FAM171A1: variants seen among roughly 807,000 people sequenced by gnomAD.
FAM171A1 encodes the protein protein FAM171A1.
FAM171A1 carries 23 observed loss-of-function variants against 74.9 expected under a neutral mutation model. The observed-to-expected ratio is 0.31, with a 90% CI of 0.22 to 0.44. FAM171A1 has a LOEUF of 0.44. Ranked by LOEUF, FAM171A1 falls within the 20% of genes least tolerant of loss-of-function variation. The probability of loss-of-function intolerance (pLI) is 1.00; values close to 1 mark genes in which losing one functional copy is unlikely to be tolerated. For missense variants in FAM171A1, 1,162 were observed against 1,159.2 expected (o/e 1.00, Z -0.03); for synonymous variants, 527 against 505.7 (o/e 1.04, Z -0.57).
intron 3 of FAM171A1, among the ~76,000 whole-genome samples, chr10:15,268,826 G>T (rs928186394): frequency 6.6e-6 from 1 of 152,202 alleles, no homozygotes; most frequent in Admixed American, 6.5e-5. Context: ...TGCATCACCT[G>T]AGGTCAGGAG....
At chr10:15,321,735 G>A (rs962028862) in intron 1 of FAM171A1, among the ~76,000 whole-genome samples, 2 of 152,176 alleles carry the variant, frequency 1.3e-5, no homozygotes, top group Admixed American at 1.3e-4. Context: ...AATGGTTTGA[G>A]CATTAAGTCA....
At chr10:15,241,657 A>T (rs992466659) in intron 5 of FAM171A1, 2 of 152,128 alleles carry the variant, frequency 1.3e-5, no homozygotes, top group Non-Finnish European at 2.9e-5. Context: ...AAGATGTCTG[A>T]CCTGATGTTT....
At chr10:15,244,221 G>T (rs1437463289) in intron 5 of FAM171A1, among the ~76,000 whole-genome samples, 2 of 152,136 alleles carry the variant, frequency 1.3e-5, no homozygotes, top group Admixed American at 1.3e-4. Flanking sequence ...CTGGGGTGGT[G>T]GTGGGCACCT....
intron 1 of FAM171A1, among the ~76,000 whole-genome samples, chr10:15,334,046 C>T (rs61842700): frequency 6.6e-6 from 1 of 152,114 alleles, no homozygotes; most frequent in African/African-American, 2.4e-5. Flanking sequence ...CCTCCCAGAT[C>T]CACAGCGCCT....
chr10:15,270,631 G>A (rs992971565), intron 3 of FAM171A1, among the ~76,000 whole-genome samples: 1 of 152,164 alleles, frequency 6.6e-6, no homozygotes, highest in African/African-American at 2.4e-5. Flanking sequence ...CCTCCCAGTA[G>A]GGGCCGACTG....
chr10:15,269,913 A>ATTCCAGATCAGG (rs1371225460), intron 3 of FAM171A1, among the ~76,000 whole-genome samples: 2 of 152,222 alleles, frequency 1.3e-5, no homozygotes. Flanking sequence ...CAATAAGTGG[A>ATTCCAGATCAGG]TTCCAGATCA....
At chr10:15,293,489 G>A (rs1835125417) in intron 1 of FAM171A1, among the ~76,000 whole-genome samples, 1 of 151,964 alleles carries the variant, frequency 6.6e-6, no homozygotes, top group South Asian at 2.1e-4. Context: ...GTTTTGCGGG[G>A]AGGAAAGACC....
chr10:15,265,253 G>A (rs1041310714), intron 3 of FAM171A1, among the ~76,000 whole-genome samples: 5 of 150,194 alleles, frequency 3.3e-5, no homozygotes, highest in Non-Finnish European at 7.4e-5. Flanking sequence ...GTGTGTGTGC[G>A]TGTGTGTGTG....
chr10:15,260,790 G>C (rs567399285), intron 3 of FAM171A1, among the ~76,000 whole-genome samples: 2 of 152,238 alleles, frequency 1.3e-5, no homozygotes, highest in South Asian at 2.1e-4. Context: ...ATGCATTGCA[G>C]CATGTTTAAT....
intron 1 of FAM171A1, among the ~76,000 whole-genome samples, chr10:15,326,402 C>T (rs573727270): frequency 2.6e-5 from 4 of 151,932 alleles, no homozygotes; most frequent in African/African-American, 9.7e-5. Flanking sequence ...GCAACCTCCA[C>T]CTCCTGGGTT....
At chr10:15,245,349 G>A (rs947823756) in intron 5 of FAM171A1, among the ~76,000 whole-genome samples, 1 of 152,222 alleles carries the variant, frequency 6.6e-6, no homozygotes, top group Admixed American at 6.5e-5. Flanking sequence ...TTACAGGCAT[G>A]AGCCATGGTG....
intron 5 of FAM171A1, among the ~76,000 whole-genome samples, chr10:15,233,739 T>G (rs1464913595): frequency 6.6e-6 from 1 of 151,854 alleles, no homozygotes; most frequent in East Asian, 1.9e-4. Flanking sequence ...CCATCTCTAC[T>G]AAAAATACAA....
intron 1 of FAM171A1, among the ~76,000 whole-genome samples, chr10:15,344,114 G>A (rs918133094): frequency 6.6e-6 from 1 of 152,172 alleles, no homozygotes; most frequent in Admixed American, 6.5e-5. Flanking sequence ...TTAAAGAGGT[G>A]CAATGAAAAA....
intron 3 of FAM171A1, among the ~76,000 whole-genome samples, chr10:15,271,502 G>A (rs937958017): frequency 3.3e-5 from 5 of 152,118 alleles, no homozygotes; most frequent in Non-Finnish European, 5.9e-5. Context: ...TAGCAAGGCA[G>A]GCCAACATTC....
rs758560184 is a variant in FAM171A1 at position 15,213,064 on chromosome 10, C to T, written c.2524G>A (p.Ala842Thr). The part of the protein sequence containing the change: ...QEETTRRTAD[A>T]PSEPAASPHQ... ...GGGCTGGCTGCTGGCTCCGAGGGGG[C>T]ATCCGCAGTCCGTCTGGTCGTCTCC... The change falls in exon 8 of 8, where the codon GCC (alanine) becomes ACC (threonine). Residue 842 changes from alanine to threonine, a missense_variant. Physicochemically the swap from Ala to Thr is moderately conservative, Grantham distance 58. Coordinates refer to ENST00000378116, the MANE Select transcript of FAM171A1 (RefSeq NM_001010924.2). The surrounding 1 kb of genome is among the most constrained non-coding windows in gnomAD (Gnocchi z 6.8). 5 of 1,613,670 alleles carry T rather than the reference C, an allele frequency of 3.1e-6. No individual in the cohort carries two copies. Among genetic ancestry groups the T allele is most frequent in the Admixed American group, 1.7e-5 (1 of 59,956 alleles).
chr10:15,269,258 C>A (rs762377766), intron 3 of FAM171A1, among the ~76,000 whole-genome samples: 10 of 151,870 alleles, frequency 6.6e-5, no homozygotes, highest in Non-Finnish European at 1.3e-4. Flanking sequence ...GGACTACAGG[C>A]GTGCAGTAGC....
At chr10:15,217,368 C>T (rs769312540) in intron 6 of FAM171A1, among the ~76,000 whole-genome samples, 6 of 152,312 alleles carry the variant, frequency 3.9e-5, no homozygotes, top group Non-Finnish European at 7.4e-5. Flanking sequence ...TTAAACACCA[C>T]AGACACCCAT....
chr10:15,236,643 A>G lies in FAM171A1; in HGVS notation c.754+11996T>C, dbSNP rs574558661. Among the ~76,000 whole-genome samples, 6 of 152,318 alleles carry G rather than the reference A, an allele frequency of 3.9e-5. No homozygotes were observed. The South Asian group carries it at 8.3e-4, about 21-fold the overall frequency. On this transcript the variant is annotated intron_variant, in intron 5 of 7. Transcript: ENST00000378116. The stretch of plus-strand genomic sequence containing the variant: ...TCCAGTGCAATATTCACATCTATCA[A>G]TAATATTCTACCTTCTAATTACCCA...
At chr10:15,325,459 G>C (rs889461937) in intron 1 of FAM171A1, among the ~76,000 whole-genome samples, 1 of 152,160 alleles carries the variant, frequency 6.6e-6, no homozygotes. Context: ...GGTGAGCTAC[G>C]ATGGAGCCAC....
Sources: allele counts gnomAD v4.1 joint callset (sites outside exome capture counted in the v4.1 genomes callset), GRCh38; gene constraint gnomAD v4.1.1; non-coding constraint Gnocchi (gnomAD v3.1); transcripts MANE v1.5; gene names NCBI Gene and HGNC (gene_info 2026-07-23, HGNC 2026-07-21).